PCDH11Y: variants seen among roughly 807,000 people sequenced by gnomAD.
PCDH11Y encodes protocadherin-11 Y-linked.
For synonymous variants in PCDH11Y, 9 were observed against 83.6 expected, an observed-to-expected ratio of 0.11 and a Z score of 4.87; for missense variants, 12 against 224.8, an observed-to-expected ratio of 0.05 and a Z score of 6.05.
At chrY:5,730,440 G>A (rs2053603214) in intron 4 of PCDH11Y, among the ~76,000 whole-genome samples, 1 of 31,458 alleles carries the variant, frequency 3.2e-5, no homozygotes. Context: ...AAATTCTACT[G>A]ATTTTTGCAC....
chrY:5,247,265 T>C (rs2052997157), intron 2 of PCDH11Y, among the ~76,000 whole-genome samples: 1 of 33,346 alleles, frequency 3.0e-5, no homozygotes, highest in Admixed American at 2.7e-4. Flanking sequence ...CCACCAAAAA[T>C]CAACAGAGTA....
intron 2 of PCDH11Y, among the ~76,000 whole-genome samples, chrY:5,174,371 C>T: frequency 3.3e-5 from 1 of 29,897 alleles, no homozygotes; most frequent in Non-Finnish European, 8.1e-5. Flanking sequence ...TTCTGTATTC[C>T]TAACATGTAG....
intron 1 of PCDH11Y, among the ~76,000 whole-genome samples, chrY:5,078,963 G>A: frequency 3.0e-5 from 1 of 33,522 alleles, no homozygotes; most frequent in Non-Finnish European, 7.4e-5. Context: ...AAAATCAATA[G>A]CAAGTTACTT....
intron 3 of PCDH11Y, among the ~76,000 whole-genome samples, chrY:5,042,805 C>A: frequency 6.2e-5 from 1 of 16,038 alleles, no homozygotes; most frequent in Non-Finnish European, 1.4e-4. Flanking sequence ...GTTTGTAGTT[C>A]TCCTTGAAGA....
Position 5,699,124 on chromosome Y carries a change from ACACCTGGAGGTGT to A in PCDH11Y, c.3353-38143_3353-38131del, listed in dbSNP as rs2053575037. 8.9e-5 allele frequency among the ~76,000 whole-genome samples: 3 copies of A among 33,578 alleles called. No individual in the cohort carries two copies. The South Asian group carries it at 2.1e-3, about 23-fold the overall frequency. The allele number at this position is 33,578 out of a possible 37,273, so 90.1% of individuals were successfully genotyped here. Reference sequence around the variant, plus strand: ...GACCCTATTCACCTGGGACACTCCCACACCTGGAGGTGTCACCAGTGGAGGCTGCAGAACAGCA... The same window carrying A: ...GACCCTATTCACCTGGGACACTCCCACACCAGTGGAGGCTGCAGAACAGCA... On this transcript the variant is annotated intron_variant, in intron 4 of 4. Transcript: ENST00000400457.
At chrY:5,255,892 A>AT in intron 2 of PCDH11Y, among the ~76,000 whole-genome samples, 4 of 32,992 alleles carry the variant, frequency 1.2e-4, no homozygotes. Flanking sequence ...AGATTATTAG[A>AT]TTTTTTTTCC....
At chrY:5,179,590 T>C (rs2052897808) in intron 2 of PCDH11Y, among the ~76,000 whole-genome samples, 1 of 33,859 alleles carries the variant, frequency 3.0e-5, no homozygotes, top group Admixed American at 2.7e-4. Flanking sequence ...TCTCTGTTGA[T>C]AGTTTCTTTT....
intron 1 of PCDH11Y, among the ~76,000 whole-genome samples, chrY:5,063,332 GTGA>G (rs2052679246): frequency 5.5e-5 from 1 of 18,247 alleles, no homozygotes; most frequent in African/African-American, 2.1e-4. Flanking sequence ...TGTATGAGAA[GTGA>G]TGATAAAAGC....
At chrY:5,445,423 C>CTCT in intron 2 of PCDH11Y, among the ~76,000 whole-genome samples, 2 of 26,113 alleles carry the variant, frequency 7.7e-5, no homozygotes, top group East Asian at 2.0e-3. Flanking sequence ...TTTCTTCTTC[C>CTCT]TCTTCTTCTT....
At chrY:5,295,477 A>G (rs2053072542) in intron 2 of PCDH11Y, among the ~76,000 whole-genome samples, 21 of 32,807 alleles carry the variant, frequency 6.4e-4, no homozygotes, top group Admixed American at 2.3e-3. Flanking sequence ...CCTGGGTTCA[A>G]GTAATTTTCC....
intron 4 of PCDH11Y, among the ~76,000 whole-genome samples, chrY:5,636,401 T>A: frequency 3.0e-5 from 1 of 33,404 alleles, no homozygotes; most frequent in South Asian, 6.6e-4. Flanking sequence ...TCTGTGCATT[T>A]AAAAAACCCA....
chrY:5,052,915 G>A (rs1602850883), upstream of PCDH11Y, among the ~76,000 whole-genome samples: 1 of 30,397 alleles, frequency 3.3e-5, no homozygotes, highest in African/African-American at 1.3e-4. Flanking sequence ...TGAGTTAAAT[G>A]TGCCATGCTT....
intron 3 of PCDH11Y, among the ~76,000 whole-genome samples, chrY:5,528,634 C>T (rs2124691241): frequency 3.0e-5 from 1 of 33,007 alleles, no homozygotes; most frequent in Admixed American, 2.8e-4. Flanking sequence ...TACAATGCAT[C>T]AATTATCCTT....
chrY:5,688,216 A>G (rs2053565251), intron 4 of PCDH11Y, among the ~76,000 whole-genome samples: 1 of 33,327 alleles, frequency 3.0e-5, no homozygotes, highest in Non-Finnish European at 7.4e-5. Flanking sequence ...ATTAAAATTT[A>G]TATTTCTGGT....
chrY:5,599,408 C>T (rs2053470456), intron 4 of PCDH11Y, among the ~76,000 whole-genome samples: 1 of 32,706 alleles, frequency 3.1e-5, no homozygotes, highest in Admixed American at 2.8e-4. Flanking sequence ...ACATGTGACC[C>T]TTATTTATTC....
At chrY:5,724,102 A>C (rs2053596979) in intron 4 of PCDH11Y, among the ~76,000 whole-genome samples, 5 of 33,648 alleles carry the variant, frequency 1.5e-4, no homozygotes. Flanking sequence ...CTCAAACAGC[A>C]CTCTAGCCCA....
intron 2 of PCDH11Y, among the ~76,000 whole-genome samples, chrY:5,246,893 C>T: frequency 3.1e-5 from 1 of 32,526 alleles, no homozygotes; most frequent in Non-Finnish European, 7.5e-5. Context: ...GAAAATTTAC[C>T]AAGCAAATGG....
At chrY:5,454,949 C>A in intron 2 of PCDH11Y, among the ~76,000 whole-genome samples, 1 of 33,639 alleles carries the variant, frequency 3.0e-5, no homozygotes, top group Non-Finnish European at 7.4e-5. Context: ...ATCTCTCTGG[C>A]AAGTGGTTGC....
intron 3 of PCDH11Y, among the ~76,000 whole-genome samples, chrY:5,544,542 G>C (rs13340776): frequency 0.22 from 6,903 of 32,006 alleles, no homozygotes; most frequent in African/African-American, 0.68. Context: ...TTACAAAATT[G>C]CACTGGAGTT....
Sources: allele counts gnomAD v4.1 joint callset (sites outside exome capture counted in the v4.1 genomes callset), GRCh38; gene constraint gnomAD v4.1.1; transcripts MANE v1.5; gene names NCBI Gene and HGNC (gene_info 2026-07-23, HGNC 2026-07-21).